RORA: variants seen among roughly 807,000 people sequenced by gnomAD.
RORA encodes RAR related orphan receptor A, also known as nuclear receptor ROR-alpha.
In RORA, 7 loss-of-function variants were observed where a neutral mutation model predicts 69.5. The observed-to-expected ratio is 0.10, with a 90% CI of 0.06 to 0.19. RORA has a LOEUF of 0.19. RORA is among the 10% of genes least tolerant of loss of function. RORA has a pLI of 1.00. For synonymous variants in RORA, 261 were observed against 240.8 expected, an observed-to-expected ratio of 1.08 and a Z score of -0.78; for missense variants, 457 against 663.0, an observed-to-expected ratio of 0.69 and a Z score of 3.41.
intron 1 of RORA, among the ~76,000 whole-genome samples, chr15:61,023,775 A>G (rs928692625): frequency 4.6e-4 from 70 of 152,314 alleles, no homozygotes; most frequent in African/African-American, 1.6e-3. Flanking sequence ...ATGCACCTTT[A>G]TTCATTGTAA....
In RORA at chr15:60,488,285, T is replaced by C. The variant is rs1256457407; in HGVS notation, c.*9170A>G. On this transcript the variant is annotated 3_prime_UTR_variant, in exon 11 of 11. Coordinates refer to ENST00000335670, the MANE Select transcript of RORA (RefSeq NM_134261.3). ...AAAAGAAGAAAAACAAGGCAAGTGT[T>C]CCATTAGAAGCTGAAGTTTTATTAT... is the stretch of plus-strand genomic sequence containing the variant. 1.3e-5 allele frequency: 2 copies of C among 152,220 alleles called. No homozygotes were observed. The highest frequency in any genetic ancestry group is 4.8e-5 in the African/African-American group (2 of 41,440). 9.4% of individuals were successfully genotyped at this position (152,220 alleles called of 1,614,324 possible). A position where few individuals can be genotyped will look rare whatever the true frequency, so the allele number is the denominator to read the frequency against.
At chr15:60,842,116 A>G (rs1207053751) in intron 1 of RORA, among the ~76,000 whole-genome samples, 2 of 150,784 alleles carry the variant, frequency 1.3e-5, no homozygotes, top group African/African-American at 4.9e-5. Flanking sequence ...TTCCTTTCTA[A>G]AGTTCACGAA....
chr15:60,887,528 AAAG>A (rs1318385861), intron 1 of RORA, among the ~76,000 whole-genome samples: 4 of 152,252 alleles, frequency 2.6e-5, no homozygotes, highest in Non-Finnish European at 5.9e-5. Context: ...AAGAAATGAC[AAAG>A]AAGCAGGCGG....
chr15:60,943,910 C>A (rs1892780320), intron 1 of RORA, among the ~76,000 whole-genome samples: 2 of 36,828 alleles, frequency 5.4e-5, no homozygotes, highest in South Asian at 9.9e-4. Flanking sequence ...AGCCAGACTC[C>A]ATCTCCAAAA....
At chr15:60,671,974 C>A (rs1217100324) in intron 2 of RORA, among the ~76,000 whole-genome samples, 1 of 152,174 alleles carries the variant, frequency 6.6e-6, no homozygotes, top group East Asian at 1.9e-4. Flanking sequence ...CAAGTCCCAG[C>A]TACTTGGGAA....
intron 1 of RORA, among the ~76,000 whole-genome samples, chr15:61,002,951 G>T (rs1359763915): frequency 7.8e-6 from 1 of 128,286 alleles, no homozygotes; most frequent in Non-Finnish European, 1.6e-5. Context: ...CTAACACAGT[G>T]AAACCCCGTC....
chr15:60,936,560 T>C (rs1422232703), intron 1 of RORA, among the ~76,000 whole-genome samples: 1 of 152,110 alleles, frequency 6.6e-6, no homozygotes, highest in Admixed American at 6.6e-5. Context: ...ACCGTCACCA[T>C]CACCTAGCCC....
intron 1 of RORA, among the ~76,000 whole-genome samples, chr15:60,850,064 C>T (rs894855465): frequency 6.6e-6 from 1 of 152,176 alleles, no homozygotes; most frequent in South Asian, 2.1e-4. Flanking sequence ...TTTTAACAAG[C>T]ATGGCGGTAT....
At chr15:60,634,474 G>A (rs1412029353) in intron 2 of RORA, among the ~76,000 whole-genome samples, 2 of 150,826 alleles carry the variant, frequency 1.3e-5, no homozygotes, top group African/African-American at 2.4e-5. Context: ...ACACAATCTC[G>A]GCTCACTGCA....
At chr15:61,129,839 G>A (rs1188508184) in intron 1 of RORA, among the ~76,000 whole-genome samples, 1 of 152,180 alleles carries the variant, frequency 6.6e-6, no homozygotes, top group Non-Finnish European at 1.5e-5. Context: ...TGGGAAAAGA[G>A]GAACAAGGAG....
intron 1 of RORA, among the ~76,000 whole-genome samples, chr15:60,790,564 A>C (rs549273306): frequency 1.3e-5 from 2 of 152,338 alleles, no homozygotes; most frequent in South Asian, 2.1e-4. Flanking sequence ...GGCTGTATAC[A>C]TATTTTAAAG....
chr15:60,825,067 G>T (rs2072939078), intron 1 of RORA, among the ~76,000 whole-genome samples: 1 of 152,226 alleles, frequency 6.6e-6, no homozygotes, highest in Non-Finnish European at 1.5e-5. Flanking sequence ...GTTGGTAGGA[G>T]AAAAGTATAG....
rs143461317 is a variant in RORA, at chr15:60,622,964, C to T, written c.196+55693G>A. Among the ~76,000 whole-genome samples the T allele has an allele frequency of 2.1e-3, 320 of 152,326 alleles. 5 individuals carry two copies. In the East Asian group the frequency reaches 0.053, roughly 25 times the overall value. The stretch of plus-strand genomic sequence containing the variant: ...CTCCTGACCTCAGGTGATCCACCCG[C>T]CTCAGTCTCCCAAAGTGCTGGGATT... On this transcript the variant is annotated intron_variant, in intron 2 of 10. Coordinates refer to ENST00000335670, the MANE Select transcript of RORA (RefSeq NM_134261.3).
chr15:61,018,752 G>A (rs534035836), intron 1 of RORA, among the ~76,000 whole-genome samples: 5 of 152,074 alleles, frequency 3.3e-5, no homozygotes, highest in South Asian at 2.1e-4. Flanking sequence ...ATATGAGTAC[G>A]TATGTATATG....
chr15:60,592,269 C>T, intron 2 of RORA: 1 of 671,554 alleles, frequency 1.5e-6, no homozygotes, highest in Non-Finnish European at 2.0e-6. Flanking sequence ...GCCCCCGCGC[C>T]GAGCCCCGGG....
At chr15:61,203,884 T>A (rs1484919986) in intron 1 of RORA, among the ~76,000 whole-genome samples, 1 of 152,176 alleles carries the variant, frequency 6.6e-6, no homozygotes, top group Non-Finnish European at 1.5e-5. Context: ...CTCCTACTGG[T>A]CAAAGGCCAC....
At chr15:60,914,715 A>G (rs771758825) in intron 1 of RORA, among the ~76,000 whole-genome samples, 3 of 152,204 alleles carry the variant, frequency 2.0e-5, no homozygotes, top group Non-Finnish European at 4.4e-5. Context: ...TGTGAATGTG[A>G]TAAAGAAATG....
At chr15:60,824,245 C>A (rs1305614307) in intron 1 of RORA, among the ~76,000 whole-genome samples, 1 of 152,188 alleles carries the variant, frequency 6.6e-6, no homozygotes. Context: ...TTGATTCAAC[C>A]AGGCTCTTGG....
At chr15:61,106,203 G>A (rs1226341369) in intron 1 of RORA, among the ~76,000 whole-genome samples, 1 of 152,168 alleles carries the variant, frequency 6.6e-6, no homozygotes, top group Non-Finnish European at 1.5e-5. Flanking sequence ...GGCAGCATCT[G>A]CTACATGTTC....
Sources: allele counts gnomAD v4.1 joint callset (sites outside exome capture counted in the v4.1 genomes callset), GRCh38; gene constraint gnomAD v4.1.1; transcripts MANE v1.5; gene names NCBI Gene and HGNC (gene_info 2026-07-23, HGNC 2026-07-21).